SUGCT: variants seen among roughly 807,000 people sequenced by gnomAD.
The protein encoded by SUGCT is succinyl-CoA:glutarate-CoA transferase, also known as succinyl-CoA:glutarate CoA-transferase.
Under a neutral mutation model 55.0 loss-of-function variants are expected in SUGCT, and 41 were observed. That is an observed-to-expected ratio of 0.74 (90% CI 0.58 to 0.97). The LOEUF (loss-of-function observed/expected upper bound fraction) is 0.97, where lower values mean the gene tolerates loss of function less well. SUGCT is among the 50% of genes least tolerant of loss of function. The probability of loss-of-function intolerance (pLI) is 0.00; values close to 1 mark genes in which losing one functional copy is unlikely to be tolerated. For missense variants in SUGCT, 568 were observed against 547.8 expected (o/e 1.04, Z -0.37); for synonymous variants, 187 against 200.4 (o/e 0.93, Z 0.56).
At chr7:40,343,543 A>G (rs541472034) in intron 9 of SUGCT, among the ~76,000 whole-genome samples, 2 of 96,406 alleles carry the variant, frequency 2.1e-5, no homozygotes, top group East Asian at 5.6e-4. Flanking sequence ...TCCACCAAGA[A>G]CAGAATCCTT....
chr7:40,905,526 A>T, the SUGCT span, among the ~76,000 whole-genome samples: 1,863 of 152,286 alleles, frequency 0.012, 31 homozygotes, highest in African/African-American at 0.042. Flanking sequence ...TCTCATTCAT[A>T]TAACGCCATT....
downstream of SUGCT, among the ~76,000 whole-genome samples, chr7:40,865,252 G>A (rs1396673475): frequency 6.6e-6 from 1 of 151,830 alleles, no homozygotes; most frequent in Non-Finnish European, 1.5e-5. Context: ...TACAACTGTG[G>A]ATACCAAAAC....
At chr7:40,359,484 C>T (rs1264508035) in intron 9 of SUGCT, among the ~76,000 whole-genome samples, 2 of 152,118 alleles carry the variant, frequency 1.3e-5, no homozygotes, top group East Asian at 1.9e-4. Flanking sequence ...GGATTACAGG[C>T]GTGAGCCACT....
At chr7:40,543,184 C>T (rs1794798234) in intron 12 of SUGCT, among the ~76,000 whole-genome samples, 2 of 152,166 alleles carry the variant, frequency 1.3e-5, no homozygotes, top group Non-Finnish European at 2.9e-5. Context: ...ATTTACACTT[C>T]AAAACATCTG....
chr7:40,945,361 A>G, the SUGCT span, among the ~76,000 whole-genome samples: 1 of 152,128 alleles, frequency 6.6e-6, no homozygotes, highest in Non-Finnish European at 1.5e-5. Flanking sequence ...CTGAATGCTG[A>G]TGTTTCATGT....
At chr7:40,668,059 G>A (rs1483830241) in intron 12 of SUGCT, among the ~76,000 whole-genome samples, 2 of 152,070 alleles carry the variant, frequency 1.3e-5, no homozygotes, top group East Asian at 3.9e-4. Flanking sequence ...CAGTTTCAGT[G>A]CTCATTGCTA....
chr7:40,952,792 C>T, the SUGCT span, among the ~76,000 whole-genome samples: 2 of 152,238 alleles, frequency 1.3e-5, no homozygotes, highest in Non-Finnish European at 2.9e-5. Context: ...CCACTCTCTT[C>T]TGGCTTGTAG....
chr7:40,236,478 T>C (rs889118533), intron 6 of SUGCT, among the ~76,000 whole-genome samples: 1 of 137,526 alleles, frequency 7.3e-6, no homozygotes, highest in East Asian at 2.2e-4. Context: ...CTTCTCTACC[T>C]TCTCTTTGTA....
At chr7:40,278,404 G>GACCC in intron 8 of SUGCT, among the ~76,000 whole-genome samples, 1 of 152,270 alleles carries the variant, frequency 6.6e-6, no homozygotes, top group Non-Finnish European at 1.5e-5. Context: ...AATACCATTT[G>GACCC]ACCCAGCCAT....
intron 13 of SUGCT, 63 bp downstream of exon 13, chr7:40,749,560 A>G (rs1787903113): frequency 7.6e-7 from 1 of 1,321,194 alleles, no homozygotes; most frequent in African/African-American, 1.5e-5. Flanking sequence ...TATGCTGTTT[A>G]CTACAGGTAG....
At chr7:41,030,519 CT>C in the SUGCT span, among the ~76,000 whole-genome samples, 1 of 152,098 alleles carries the variant, frequency 6.6e-6, no homozygotes, top group Non-Finnish European at 1.5e-5. Context: ...TACATGTTTC[CT>C]TGCACTCTTT....
intron 13 of SUGCT, among the ~76,000 whole-genome samples, chr7:40,757,874 A>G (rs910406688): frequency 5.9e-5 from 9 of 152,142 alleles, no homozygotes; most frequent in Admixed American, 5.9e-4. Context: ...GCTGCAGCCA[A>G]CCTTCACTGA....
chr7:40,148,196 G>A (rs1018341426), intron 1 of SUGCT, among the ~76,000 whole-genome samples: 1 of 151,388 alleles, frequency 6.6e-6, no homozygotes, highest in Non-Finnish European at 1.5e-5. Context: ...GTAGGTAATC[G>A]AAAAAGGTTG....
intron 8 of SUGCT, among the ~76,000 whole-genome samples, chr7:40,275,247 T>G (rs1792386653): frequency 6.6e-6 from 1 of 152,212 alleles, no homozygotes; most frequent in Non-Finnish European, 1.5e-5. Context: ...TTGCTTCACA[T>G]GTACTCTGTA....
intron 9 of SUGCT, among the ~76,000 whole-genome samples, chr7:40,413,687 T>A (rs1786816358): frequency 6.6e-6 from 1 of 152,038 alleles, no homozygotes; most frequent in Non-Finnish European, 1.5e-5. Context: ...AAAGATTGAG[T>A]CTTTATGTAT....
the SUGCT span, among the ~76,000 whole-genome samples, chr7:41,017,066 C>A: frequency 6.6e-6 from 1 of 152,220 alleles, no homozygotes; most frequent in Non-Finnish European, 1.5e-5. Flanking sequence ...CTCAGCCATG[C>A]GCTTGCTCTG....
Position 40,553,697 on chromosome 7 carries a change from A to ATG in SUGCT, c.1089+57326_1089+57327dup, listed in dbSNP as rs761789489. Among the ~76,000 whole-genome samples the ATG allele has an allele frequency of 5.7e-4, 86 of 151,200 alleles. 4 individuals carry two copies. In the East Asian group the frequency reaches 7.7e-3, roughly 14 times the overall value. ...ACCTCGTTTACTAAGCTGCCACATT[A>ATG]TGTGTGTGTGTGTGTGAGTGTGTGT... is the stretch of plus-strand genomic sequence containing the variant. On this transcript the variant is annotated intron_variant, in intron 12 of 13. Transcript: ENST00000335693.
chr7:40,817,545 A>C (rs530191868), intron 13 of SUGCT, among the ~76,000 whole-genome samples: 69 of 152,362 alleles, frequency 4.5e-4, no homozygotes, highest in African/African-American at 1.6e-3. Context: ...TACAAGACAA[A>C]GAGCTATTTT....
At chr7:40,943,277 A>T in the SUGCT span, among the ~76,000 whole-genome samples, 1 of 149,676 alleles carries the variant, frequency 6.7e-6, no homozygotes, top group Non-Finnish European at 1.5e-5. Flanking sequence ...TTTTATTATT[A>T]TTATTATTAT....
Sources: allele counts gnomAD v4.1 joint callset (sites outside exome capture counted in the v4.1 genomes callset), GRCh38; gene constraint gnomAD v4.1.1; transcripts MANE v1.5; gene names NCBI Gene and HGNC (gene_info 2026-07-23, HGNC 2026-07-21).